Variants in ERO1A observed in about 807,000 individuals in gnomAD.
The protein encoded by ERO1A is ERO1-like protein alpha.
In ERO1A, 49 loss-of-function variants were observed where a neutral mutation model predicts 76.9. The observed-to-expected ratio is 0.64, with a 90% CI of 0.51 to 0.81. The LOEUF is 0.81. Ranked by LOEUF, ERO1A falls within the 30% of genes least tolerant of loss-of-function variation. The pLI is 0.00. For synonymous variants in ERO1A, 174 were observed against 181.2 expected, an observed-to-expected ratio of 0.96 and a Z score of 0.32; for missense variants, 448 against 542.1, an observed-to-expected ratio of 0.83 and a Z score of 1.72.
intron 4 of ERO1A, among the ~76,000 whole-genome samples, chr14:52,675,452 C>T (rs1383405934): frequency 6.6e-6 from 1 of 151,422 alleles, no homozygotes; most frequent in Non-Finnish European, 1.5e-5. Flanking sequence ...ATTCCTTTAA[C>T]TCTGCTATAT....
intron 13 of ERO1A, among the ~76,000 whole-genome samples, chr14:52,649,548 C>T (rs998216341): frequency 6.6e-6 from 1 of 151,738 alleles, no homozygotes; most frequent in East Asian, 1.9e-4. Context: ...TGAGTGTTTC[C>T]GAGTTTTGAT....
intron 11 of ERO1A, among the ~76,000 whole-genome samples, chr14:52,656,561 A>T (rs886532285): frequency 6.6e-6 from 1 of 151,852 alleles, no homozygotes; most frequent in Non-Finnish European, 1.5e-5. Context: ...AAATACAAAA[A>T]ATTAGCTGGG....
At chr14:52,651,106 CA>C (rs5808681) in intron 13 of ERO1A, among the ~76,000 whole-genome samples, 71,761 of 102,180 alleles carry the variant, frequency 0.7, 24,695 homozygotes, top group East Asian at 0.81. Context: ...CTGTTTCTAC[CA>C]AAAAAAAAAA....
In ERO1A at chr14:52,664,792, C is replaced by T. The variant is rs1015404177; in HGVS notation, c.630-945G>A. Reference sequence around the variant, plus strand: ...CTGCAAGCTCCGCCTCCCGGGTTCACGCCATTCTCCTGCCTCAGCCTCTCG... The same window carrying T: ...CTGCAAGCTCCGCCTCCCGGGTTCATGCCATTCTCCTGCCTCAGCCTCTCG... On this transcript the variant is annotated intron_variant, in intron 7 of 15. Transcript: ENST00000395686. Among the ~76,000 whole-genome samples, 12 of 152,070 alleles carry T rather than the reference C, an allele frequency of 7.9e-5. No homozygotes were observed. The East Asian group carries it at 1.2e-3, about 15-fold the overall frequency.
At chr14:52,667,169 T>C (rs1232727539) in intron 6 of ERO1A, among the ~76,000 whole-genome samples, 1 of 152,228 alleles carries the variant, frequency 6.6e-6, no homozygotes, top group Non-Finnish European at 1.5e-5. Flanking sequence ...AGTGTTAGTA[T>C]TGTACACTGC....
At position 52,682,406 on chromosome 14, in the gene ERO1A, T is replaced by C; in HGVS notation, c.237A>G (p.Val79=). ...LESDYFRYYK[V]NLKRPCPFWN... ...AGAAAGGACACGGCCTCTTCAGGTT[T>C]ACCTGTAAAATAATAATAGAAAAAA... is the stretch of plus-strand genomic sequence containing the variant. Residue 79 remains valine (V), a splice_region_variant and synonymous_variant, in exon 3 of 16, where the codon GTA becomes GTG. Coordinates refer to ENST00000395686, the MANE Select transcript of ERO1A (RefSeq NM_014584.3). 6.3e-7 allele frequency: 1 copy of C among 1,598,396 alleles called. No individual in the cohort carries two copies. The highest frequency in any genetic ancestry group is 8.5e-7 in the Non-Finnish European group (1 of 1,171,244).
chr14:52,657,988 G>A lies in ERO1A; in HGVS notation c.737C>T (p.Ala246Val). The change falls in exon 11 of 16, where the codon GCA (alanine) becomes GTA (valine). Residue 246 changes from alanine to valine, a missense_variant. Ala to Val is a moderately conservative substitution (Grantham distance 64). Around this residue, in one of 2 missense-constraint regions of ERO1A, gnomAD observed 302 missense variants for 411.9 expected, o/e 0.73. Transcript: ENST00000395686. ...WLEGLCVEKRAFYRLISGLHA... is the reference protein window; with the variant it reads ...WLEGLCVEKRVFYRLISGLHA... ...TAGGCCAGATATAAGTCTGTAGAAT[G>A]CTCTTTTTTCTACACAGAGACCTAA... 1.2e-6 allele frequency: 2 copies of A among 1,610,476 alleles called. No homozygotes were observed. The highest frequency in any genetic ancestry group is 2.2e-5 in the South Asian group (2 of 90,300).
At chr14:52,672,988 A>G (rs573887638) in intron 4 of ERO1A, among the ~76,000 whole-genome samples, 1 of 152,158 alleles carries the variant, frequency 6.6e-6, no homozygotes, top group African/African-American at 2.4e-5. Context: ...TTTCTGAATC[A>G]TATTAAACAC....
intron 1 of ERO1A, among the ~76,000 whole-genome samples, chr14:52,685,462 A>AT (rs1314511159): frequency 1.3e-5 from 2 of 152,298 alleles, no homozygotes; most frequent in East Asian, 1.9e-4. Context: ...AAATGATATG[A>AT]TTTTTCAAAC....
intron 3 of ERO1A, among the ~76,000 whole-genome samples, chr14:52,682,114 C>T (rs1171810741): frequency 6.6e-6 from 1 of 152,118 alleles, no homozygotes; most frequent in Non-Finnish European, 1.5e-5. Context: ...TTGTAATGGG[C>T]TGGGTGCAGT....
At chr14:52,663,646 C>A in intron 8 of ERO1A, 155 bp downstream of exon 8, 1 of 447,576 alleles carries the variant, frequency 2.2e-6, no homozygotes, top group Non-Finnish European at 4.1e-6. Context: ...ATAATTTAAG[C>A]ACCAATCTCT....
At position 52,672,946 on chromosome 14, in the gene ERO1A, C is replaced by G. The variant is rs145063078; in HGVS notation, c.358-1075G>C. Among the ~76,000 whole-genome samples the G allele has an allele frequency of 3.6e-4, 55 of 152,070 alleles. No individual in the cohort carries two copies. In the East Asian group the frequency reaches 0.01, roughly 29 times the overall value. On this transcript the variant is annotated intron_variant, in intron 4 of 15. Transcript: ENST00000395686. ...TATTCTTGCCACAAATGGAGATACT[C>G]CCAAACACATTTATAACATTTCAGA...
intron 13 of ERO1A, among the ~76,000 whole-genome samples, chr14:52,651,006 C>T (rs773114075): frequency 5.9e-5 from 9 of 151,428 alleles, no homozygotes; most frequent in Non-Finnish European, 8.8e-5. Flanking sequence ...CAATGGCTCA[C>T]GCCTGTAATC....
intron 1 of ERO1A, 38 bp from the exon 2 acceptor site, chr14:52,683,945 C>A: frequency 4.0e-6 from 6 of 1,516,862 alleles, no homozygotes; most frequent in Non-Finnish European, 5.3e-6. Flanking sequence ...TTGAAATGTC[C>A]TAAATGCAAC....
intron 9 of ERO1A, among the ~76,000 whole-genome samples, chr14:52,660,537 A>G (rs2139673988): frequency 6.6e-6 from 1 of 152,344 alleles, no homozygotes; most frequent in Middle Eastern, 3.4e-3. Flanking sequence ...TCAGCATTTT[A>G]TTTAGCTGCT....
chr14:52,695,310 G>T (rs542427082), intron 1 of ERO1A, 58 bp downstream of exon 1: 10 of 1,194,890 alleles, frequency 8.4e-6, no homozygotes, highest in Non-Finnish European at 1.1e-5. Flanking sequence ...GGGCGTGCGG[G>T]ACAGTGCACG....
At chr14:52,660,525 A>G (rs2040197079) in intron 9 of ERO1A, among the ~76,000 whole-genome samples, 1 of 152,224 alleles carries the variant, frequency 6.6e-6, no homozygotes, top group African/African-American at 2.4e-5. Context: ...AACAGTTCTG[A>G]GTCAGCATTT....
intron 3 of ERO1A, 52 bp downstream of exon 3, chr14:52,682,273 A>G: frequency 7.4e-7 from 1 of 1,356,866 alleles, no homozygotes; most frequent in African/African-American, 1.5e-5. Context: ...ACAAAAAGTT[A>G]TAATGAATGA....
chr14:52,675,418 G>A (rs544132567), intron 4 of ERO1A, among the ~76,000 whole-genome samples: 3 of 151,456 alleles, frequency 2.0e-5, no homozygotes, highest in South Asian at 2.1e-4. Flanking sequence ...TCTAGGTTAC[G>A]GGTATAAGAA....
Sources: gnomAD v4.1 joint callset for allele counts (sites outside exome capture counted in the v4.1 genomes callset) on GRCh38, gnomAD v4.1.1 for gene constraint, gnomAD v4.1.1 regional missense constraint, MANE v1.5 for transcripts, NCBI Gene and HGNC (gene_info 2026-07-23, HGNC 2026-07-21) for gene names.